Variants in ACYP2 observed in about 807,000 individuals in gnomAD.
ACYP2 encodes acylphosphatase-2.
A neutral mutation model predicts 11.2 loss-of-function variants in ACYP2; 12 were observed. The ratio of observed to expected loss-of-function variants is 1.08; its 90% CI spans 0.69 to 1.74. The LOEUF is 1.74. ACYP2 is among the 40% of genes most tolerant of loss of function. ACYP2 has a pLI of 0.00. For synonymous variants in ACYP2, 43 were observed against 32.2 expected (o/e 1.33, Z -1.13); for missense variants, 134 against 101.9 (o/e 1.31, Z -1.35).
intron 6 of ACYP2, among the ~76,000 whole-genome samples, chr2:54,246,869 C>T (rs1686979215): frequency 6.6e-6 from 1 of 152,130 alleles, no homozygotes; most frequent in Non-Finnish European, 1.5e-5. Context: ...AAGGTATCCA[C>T]TTATTTCTAC....
intron 2 of ACYP2, among the ~76,000 whole-genome samples, chr2:54,012,798 T>G (rs1463228689): frequency 1.3e-5 from 2 of 152,094 alleles, no homozygotes; most frequent in African/African-American, 4.8e-5. Flanking sequence ...GTTTTCCTAT[T>G]AAAAGCTAAG....
intron 2 of ACYP2, among the ~76,000 whole-genome samples, chr2:54,025,257 G>A: frequency 6.6e-6 from 1 of 152,002 alleles, no homozygotes; most frequent in Non-Finnish European, 1.5e-5. Flanking sequence ...GAACCAAAAA[G>A]AAACCATATA....
intron 6 of ACYP2, among the ~76,000 whole-genome samples, chr2:54,202,565 G>A (rs1229869307): frequency 1.3e-5 from 2 of 150,690 alleles, no homozygotes; most frequent in African/African-American, 2.4e-5. Context: ...CCACCAATAC[G>A]CCTGGCTAAT....
At chr2:54,211,563 G>T (rs954302071) in intron 6 of ACYP2, among the ~76,000 whole-genome samples, 70 of 152,082 alleles carry the variant, frequency 4.6e-4, no homozygotes, top group Admixed American at 1.4e-3. Context: ...TCCAGTCCTG[G>T]CTATGGTTAG....
At chr2:54,074,232 C>A (rs1480985484) in intron 4 of ACYP2, among the ~76,000 whole-genome samples, 1 of 152,102 alleles carries the variant, frequency 6.6e-6, no homozygotes, top group Non-Finnish European at 1.5e-5. Flanking sequence ...GTAGTCCTAG[C>A]TACTTAGTGT....
chr2:54,247,359 C>G (rs929204169), intron 6 of ACYP2, among the ~76,000 whole-genome samples: 7 of 152,202 alleles, frequency 4.6e-5, no homozygotes, highest in African/African-American at 1.7e-4. Flanking sequence ...GCTATTTGCT[C>G]TTCCTGGACA....
At chr2:54,021,884 GAGAAC>G (rs1674025549) in intron 2 of ACYP2, among the ~76,000 whole-genome samples, 1 of 152,132 alleles carries the variant, frequency 6.6e-6, no homozygotes, top group Non-Finnish European at 1.5e-5. Context: ...AATAAATAGT[GAGAAC>G]AGACTGTTCT....
intron 4 of ACYP2, among the ~76,000 whole-genome samples, chr2:54,086,701 G>C (rs929075662): frequency 1.3e-5 from 2 of 152,206 alleles, no homozygotes; most frequent in African/African-American, 2.4e-5. Context: ...GCGCGCGCTA[G>C]TGCGTGTTTG....
At chr2:54,012,257 C>T (rs1673414360) in intron 2 of ACYP2, among the ~76,000 whole-genome samples, 1 of 151,854 alleles carries the variant, frequency 6.6e-6, no homozygotes, top group South Asian at 2.1e-4. Context: ...AAAAATACTC[C>T]CAGGCTGGAC....
At chr2:53,971,614 C>A (rs1245641268) in intron 1 of ACYP2, among the ~76,000 whole-genome samples, 2 of 152,272 alleles carry the variant, frequency 1.3e-5, no homozygotes, top group Non-Finnish European at 2.9e-5. Context: ...TTTCCGCCCT[C>A]CCAAGGACTT....
At chr2:54,197,434 A>G (rs1386012616) in intron 6 of ACYP2, among the ~76,000 whole-genome samples, 1 of 152,224 alleles carries the variant, frequency 6.6e-6, no homozygotes, top group Non-Finnish European at 1.5e-5. Context: ...AGTGAGCAGT[A>G]TACACAAAGA....
At chr2:54,254,290 T>A (rs550079954) in intron 6 of ACYP2, 5 of 152,446 alleles carry the variant, frequency 3.3e-5, no homozygotes, top group African/African-American at 9.6e-5. Context: ...GTTCTGGAGA[T>A]CCCTGTTTAT....
At chr2:54,224,518 A>G (rs192674527) in intron 6 of ACYP2, among the ~76,000 whole-genome samples, 54 of 152,344 alleles carry the variant, frequency 3.5e-4, no homozygotes, top group Non-Finnish European at 7.2e-4. Context: ...ACACCACTCA[A>G]AGGTGGGCAT....
At chr2:54,012,335 G>A (rs1390063611) in intron 2 of ACYP2, among the ~76,000 whole-genome samples, 2 of 151,796 alleles carry the variant, frequency 1.3e-5, no homozygotes, top group Non-Finnish European at 2.9e-5. Flanking sequence ...GCAAGACCTC[G>A]CTCCTATCTA....
intron 6 of ACYP2, among the ~76,000 whole-genome samples, chr2:54,170,017 C>G (rs377728441): frequency 1.6e-4 from 25 of 152,062 alleles, no homozygotes; most frequent in African/African-American, 5.6e-4. Flanking sequence ...TTAAACTAGT[C>G]TTTCCTTCCC....
At chr2:54,033,760 C>T (rs929908202) in intron 2 of ACYP2, among the ~76,000 whole-genome samples, 2 of 152,134 alleles carry the variant, frequency 1.3e-5, no homozygotes, top group African/African-American at 2.4e-5. Context: ...GAAGACCAGC[C>T]GGATGGCTGT....
At chr2:54,180,019 G>T (rs11886475) in intron 6 of ACYP2, among the ~76,000 whole-genome samples, 1 of 151,966 alleles carries the variant, frequency 6.6e-6, no homozygotes, top group Non-Finnish European at 1.5e-5. Flanking sequence ...GGCTTCAAGT[G>T]GGGGTTCCCA....
intron 6 of ACYP2, among the ~76,000 whole-genome samples, chr2:54,147,819 C>G (rs1176929727): frequency 6.6e-6 from 1 of 152,174 alleles, no homozygotes; most frequent in Admixed American, 6.5e-5. Flanking sequence ...GTTACCACAC[C>G]TGGCCCCTCT....
At chr2:54,151,619 G>C (rs1372156568) in intron 6 of ACYP2, among the ~76,000 whole-genome samples, 1 of 152,120 alleles carries the variant, frequency 6.6e-6, no homozygotes, top group Non-Finnish European at 1.5e-5. Context: ...TACTCTAATG[G>C]AAAACTAGGA....
Sources: gnomAD v4.1 joint callset for allele counts (sites outside exome capture counted in the v4.1 genomes callset) on GRCh38, gnomAD v4.1.1 for gene constraint, MANE v1.5 for transcripts, NCBI Gene and HGNC (gene_info 2026-07-23, HGNC 2026-07-21) for gene names.